GLIS3: variants seen among roughly 807,000 people sequenced by gnomAD.
GLIS3 encodes the protein GLIS family zinc finger 3.
Under a neutral mutation model 78.6 loss-of-function variants are expected in GLIS3, and 53 were observed. The ratio of observed to expected loss-of-function variants is 0.67; its 90% CI spans 0.54 to 0.85. GLIS3 has a LOEUF of 0.85. Among genes scored for constraint, GLIS3 ranks in the 40% least tolerant of loss-of-function variants. The pLI, the probability that GLIS3 is intolerant of heterozygous loss-of-function variation, is 0.00. For synonymous variants in GLIS3, 684 were observed against 509.9 expected (o/e 1.34, Z -4.60); for missense variants, 1,703 against 1,231.1 (o/e 1.38, Z -5.74).
intron 6 of GLIS3, among the ~76,000 whole-genome samples, chr9:3,925,394 C>T (rs1825149118): frequency 6.6e-6 from 1 of 152,148 alleles, no homozygotes; most frequent in African/African-American, 2.4e-5. Context: ...CTCGCCTGTA[C>T]TGAGTACAGC....
intron 2 of GLIS3, among the ~76,000 whole-genome samples, chr9:4,238,362 C>T (rs1342694646): frequency 1.3e-5 from 2 of 152,104 alleles, no homozygotes; most frequent in African/African-American, 2.4e-5. Context: ...AGAATATGAC[C>T]GTGAATATAC....
intron 2 of GLIS3, among the ~76,000 whole-genome samples, chr9:4,334,440 C>G (rs949443474): frequency 6.6e-6 from 1 of 152,184 alleles, no homozygotes; most frequent in Non-Finnish European, 1.5e-5. Flanking sequence ...CCCTCTGTCC[C>G]CTCCACCCTT....
chr9:4,215,577 C>G (rs1820755117), intron 2 of GLIS3, among the ~76,000 whole-genome samples: 1 of 152,144 alleles, frequency 6.6e-6, no homozygotes, highest in Non-Finnish European at 1.5e-5. Context: ...ATCAAAAAAC[C>G]CTGGAGCTTC....
chr9:4,170,865 A>C (rs1479099815), intron 2 of GLIS3, among the ~76,000 whole-genome samples: 1 of 152,184 alleles, frequency 6.6e-6, no homozygotes, highest in Non-Finnish European at 1.5e-5. Flanking sequence ...ATGAATTCTC[A>C]TAACTGGGGA....
intron 4 of GLIS3, among the ~76,000 whole-genome samples, chr9:4,112,217 T>G (rs539267234): frequency 6.6e-6 from 1 of 152,178 alleles, no homozygotes; most frequent in African/African-American, 2.4e-5. Context: ...GAATGTGAAA[T>G]GGACACTCAG....
intron 2 of GLIS3, among the ~76,000 whole-genome samples, chr9:4,342,520 T>C (rs892335391): frequency 4.6e-5 from 7 of 152,210 alleles, no homozygotes; most frequent in African/African-American, 1.7e-4. Flanking sequence ...TTGGGTAACG[T>C]GATCTCTCCA....
In GLIS3 at chr9:3,869,335, CAG is replaced by C. The variant is rs530708311; in HGVS notation, c.2297+10090_2297+10091del. 2.8e-3 allele frequency among the ~76,000 whole-genome samples: 423 copies of C among 152,016 alleles called. 1 individual carries two copies. The highest frequency in any genetic ancestry group is 5.2e-3 in the Non-Finnish European group (354 of 67,980). On this transcript the variant is annotated intron_variant, in intron 8 of 10. Coordinates refer to ENST00000381971, the MANE Select transcript of GLIS3 (RefSeq NM_001042413.2). The stretch of plus-strand genomic sequence containing the variant: ...TAAGATACCAACATCGCTGATTACT[CAG>C]AAAGTCCTGGAGAGGAAAGAACAGC...
chr9:3,828,288 A>G lies in GLIS3; in HGVS notation c.2777T>C (p.Val926Ala). 2 of 1,614,132 alleles carry G rather than the reference A, an allele frequency of 1.2e-6. No homozygotes were observed. Among genetic ancestry groups the G allele is most frequent in the Non-Finnish European group, 1.7e-6 (2 of 1,180,016 alleles). The change falls in exon 11 of 11, where the codon GTC becomes GCC. Residue 926 changes from valine to alanine, a missense_variant. Physicochemically the swap from Val to Ala is moderately conservative, Grantham distance 64 (BLOSUM62 0). Coordinates refer to ENST00000381971, the MANE Select transcript of GLIS3 (RefSeq NM_001042413.2). ...VDRCPSQLSS[V>A]YTEG ...AGAGAGCTTTTAGCCTTCGGTGTAG[A>G]CAGAGGAGAGCTGGCTAGGACAGCG...
chr9:4,213,107 C>T (rs1376109598), intron 2 of GLIS3, among the ~76,000 whole-genome samples: 1 of 152,172 alleles, frequency 6.6e-6, no homozygotes, highest in African/African-American at 2.4e-5. Flanking sequence ...TTCACCCCTC[C>T]TTAGGCCTTG....
At chr9:4,024,749 G>C (rs1245995943) in intron 4 of GLIS3, among the ~76,000 whole-genome samples, 5 of 152,114 alleles carry the variant, frequency 3.3e-5, no homozygotes, top group Non-Finnish European at 7.3e-5. Flanking sequence ...TTCTTCTTCT[G>C]TATAACAGCT....
At chr9:4,244,880 G>A (rs1218059854) in intron 2 of GLIS3, among the ~76,000 whole-genome samples, 1 of 151,928 alleles carries the variant, frequency 6.6e-6, no homozygotes, top group Non-Finnish European at 1.5e-5. Context: ...CTGACCACAA[G>A]GAATTTTTAA....
chr9:4,011,168 T>A (rs959354416), intron 4 of GLIS3, among the ~76,000 whole-genome samples: 1 of 152,134 alleles, frequency 6.6e-6, no homozygotes, highest in Non-Finnish European at 1.5e-5. Flanking sequence ...GCCAGTTTTA[T>A]GCATAGGAAG....
intron 9 of GLIS3, among the ~76,000 whole-genome samples, chr9:3,841,371 T>C (rs1251291138): frequency 1.3e-5 from 2 of 152,126 alleles, no homozygotes; most frequent in Non-Finnish European, 1.5e-5. Flanking sequence ...CCGAGATGGA[T>C]CTGAAAGCCA....
intron 2 of GLIS3, among the ~76,000 whole-genome samples, chr9:4,315,670 C>G (rs1297217798): frequency 1.3e-5 from 2 of 152,152 alleles, no homozygotes; most frequent in African/African-American, 4.8e-5. Context: ...TCCTGCAAAA[C>G]ACAGTGGGGA....
chr9:4,389,655 A>G, the GLIS3 span, among the ~76,000 whole-genome samples: 1 of 152,172 alleles, frequency 6.6e-6, no homozygotes, highest in Non-Finnish European at 1.5e-5. Context: ...TCTGCCCAAG[A>G]CAATCACATC....
At chr9:4,257,083 GT>G (rs1825020268) in intron 2 of GLIS3, among the ~76,000 whole-genome samples, 1 of 152,090 alleles carries the variant, frequency 6.6e-6, no homozygotes. Context: ...GTGTACATAT[GT>G]ATGCATATAT....
At chr9:4,004,417 T>A (rs1821377629) in intron 4 of GLIS3, among the ~76,000 whole-genome samples, 1 of 152,072 alleles carries the variant, frequency 6.6e-6, no homozygotes, top group Admixed American at 6.5e-5. Context: ...ACCAAAAAAA[T>A]GTTTTTGATG....
intron 2 of GLIS3, among the ~76,000 whole-genome samples, chr9:4,340,561 G>C (rs954545635): frequency 6.6e-6 from 1 of 152,138 alleles, no homozygotes; most frequent in African/African-American, 2.4e-5. Context: ...ATTTGTGGTG[G>C]CAGGACAGCA....
chr9:4,411,628 A>G, the GLIS3 span, among the ~76,000 whole-genome samples: 1 of 152,162 alleles, frequency 6.6e-6, no homozygotes, highest in African/African-American at 2.4e-5. Flanking sequence ...AATTTTTAGA[A>G]AATCCATATT....
Sources: gnomAD v4.1 joint callset for allele counts (sites outside exome capture counted in the v4.1 genomes callset) on GRCh38, gnomAD v4.1.1 for gene constraint, MANE v1.5 for transcripts, NCBI Gene and HGNC (gene_info 2026-07-23, HGNC 2026-07-21) for gene names.